The following BARD1 variants were observed in gnomAD, a reference collection of about 807,000 sequenced individuals.
The protein encoded by BARD1 is BRCA1 associated RING domain 1, also known as BRCA1-associated RING domain protein 1.
In BARD1, 73 loss-of-function variants were observed where a neutral mutation model predicts 77.0. The ratio of observed to expected loss-of-function variants is 0.95; its 90% confidence interval spans 0.79 to 1.15. The LOEUF (loss-of-function observed/expected upper bound fraction) is 1.15. Ranked by LOEUF, BARD1 falls within the 50% of genes most tolerant of loss-of-function variation. The pLI is 0.00. For missense variants in BARD1, 993 were observed against 938.8 expected (o/e 1.06, Z -0.75); for synonymous variants, 384 against 338.0 (o/e 1.14, Z -1.49).
chr2:214,747,400 T>C (rs1161204995), intron 7 of BARD1, among the ~76,000 whole-genome samples: 5 of 138,620 alleles, frequency 3.6e-5, no homozygotes, highest in Admixed American at 1.5e-4. Context: ...TAAAGACACA[T>C]GCACACGTAT....
At chr2:214,761,747 G>T (rs1485547743) in intron 6 of BARD1, among the ~76,000 whole-genome samples, 1 of 152,086 alleles carries the variant, frequency 6.6e-6, no homozygotes, top group Non-Finnish European at 1.5e-5. Context: ...CTTCCACAGG[G>T]CAATAAAGAA....
chr2:214,732,680 C>T (rs1355182369), intron 9 of BARD1, among the ~76,000 whole-genome samples: 2 of 152,186 alleles, frequency 1.3e-5, no homozygotes, highest in African/African-American at 4.8e-5. Flanking sequence ...CAGGCGTGAA[C>T]CACCACACCT....
chr2:214,783,147 C>G (rs1449410421), intron 3 of BARD1, among the ~76,000 whole-genome samples: 1 of 152,100 alleles, frequency 6.6e-6, no homozygotes, highest in Non-Finnish European at 1.5e-5. Flanking sequence ...AAAGTCAGCC[C>G]TCTGTATACT....
At chr2:214,770,969 G>A (rs1694455932) in intron 4 of BARD1, among the ~76,000 whole-genome samples, 1 of 152,140 alleles carries the variant, frequency 6.6e-6, no homozygotes, top group Non-Finnish European at 1.5e-5. Flanking sequence ...TACGTTTTAA[G>A]TATCCGTTAA....
intron 1 of BARD1, among the ~76,000 whole-genome samples, 171 bp downstream of exon 1, chr2:214,809,241 G>A (rs979882702): frequency 6.6e-6 from 1 of 152,228 alleles, no homozygotes; most frequent in African/African-American, 2.4e-5. Context: ...TAAAGTGAAT[G>A]AGAAGCAGAA....
rs1464044482 is a variant in BARD1, at chr2:214,728,054, C to A, written c.*622G>T. On this transcript the variant is annotated 3_prime_UTR_variant, in exon 11 of 11. Transcript: ENST00000260947. The stretch of plus-strand genomic sequence containing the variant: ...GATTTTTACCACACACACAAAAAAA[C>A]CAATGTTAATGATTAAATCACAATT... The A allele has an allele frequency of 8.9e-6, 2 of 224,900 alleles. No individual in the cohort carries two copies. The highest frequency in any genetic ancestry group is 1.8e-5 in the Non-Finnish European group (2 of 113,256). The allele number at this position is 224,900 out of a possible 1,614,324, so 13.9% of individuals were successfully genotyped here. A position where few individuals can be genotyped will look rare whatever the true frequency, so the allele number is the denominator to read the frequency against.
At chr2:214,787,516 A>G (rs528053051) in intron 3 of BARD1, among the ~76,000 whole-genome samples, 1 of 152,134 alleles carries the variant, frequency 6.6e-6, no homozygotes, top group African/African-American at 2.4e-5. Flanking sequence ...TTGCTGGAAC[A>G]TAAATCACAT....
rs562513200 is a variant in BARD1, at chr2:214,755,937, TACACG to T, written c.1569-3387_1569-3383del. 3.3e-5 allele frequency among the ~76,000 whole-genome samples: 5 copies of T among 152,368 alleles called. No homozygotes were observed. The South Asian group carries it at 1.0e-3, about 32-fold the overall frequency. On this transcript the variant is annotated intron_variant, in intron 6 of 10. Coordinates refer to ENST00000260947, the MANE Select transcript of BARD1 (RefSeq NM_000465.4). ...TCTTAACTGCTGAATTTACATCTAG[TACACG>T]ACAGTATATTAATATCTTTTACATG... is the stretch of plus-strand genomic sequence containing the variant.
intron 10 of BARD1, among the ~76,000 whole-genome samples, chr2:214,730,037 T>G (rs1423818176): frequency 6.6e-6 from 1 of 152,202 alleles, no homozygotes; most frequent in African/African-American, 2.4e-5. Context: ...TATACTTATA[T>G]AATATCAACA....
rs1028101702 is a variant in BARD1 at position 214,773,335 on chromosome 2, A to G, written c.1315-4023T>C. ...TGGTTAAGCCTTTCCATGTAAATGA[A>G]CCGACCAGGAACCAAAGACTTCCCT... On this transcript the variant is annotated intron_variant, in intron 4 of 10. Coordinates refer to ENST00000260947, the MANE Select transcript of BARD1 (RefSeq NM_000465.4). Among the ~76,000 whole-genome samples the G allele has an allele frequency of 3.3e-5, 5 of 152,242 alleles. No individual in the cohort carries two copies. The East Asian group carries it at 9.6e-4, about 29-fold the overall frequency.
At chr2:214,774,274 A>G (rs1694645538) in intron 4 of BARD1, among the ~76,000 whole-genome samples, 1 of 152,182 alleles carries the variant, frequency 6.6e-6, no homozygotes, top group Non-Finnish European at 1.5e-5. Flanking sequence ...TGAATCATCA[A>G]TGATATTAAT....
At chr2:214,747,247 C>T (rs1693166973) in intron 7 of BARD1, among the ~76,000 whole-genome samples, 3 of 151,986 alleles carry the variant, frequency 2.0e-5, no homozygotes, top group Admixed American at 2.0e-4. Context: ...AACACTTTTA[C>T]ACTGTTAGTG....
chr2:214,731,170 A>T (rs916787542), intron 9 of BARD1: 2 of 224,650 alleles, frequency 8.9e-6, no homozygotes, highest in Non-Finnish European at 1.8e-5. Flanking sequence ...TGGCTTGAGT[A>T]AGTCTGTTCA....
In BARD1 at chr2:214,803,811, C is replaced by A. The variant is rs561758411; in HGVS notation, c.158+5601G>T. On this transcript the variant is annotated intron_variant, in intron 1 of 10. Transcript: ENST00000260947. ...TTTCCAAGTCTCTCGTTCCACCTTACGAGAAACACCCACAGGTGTGGAGGG... is the reference window on the plus strand; with the variant it reads ...TTTCCAAGTCTCTCGTTCCACCTTAAGAGAAACACCCACAGGTGTGGAGGG... 3.9e-5 allele frequency among the ~76,000 whole-genome samples: 6 copies of A among 152,234 alleles called. No homozygotes were observed. The South Asian group carries it at 1.0e-3, about 26-fold the overall frequency.
intron 1 of BARD1, among the ~76,000 whole-genome samples, chr2:214,801,851 G>A (rs1320158044): frequency 4.5e-5 from 4 of 88,220 alleles, no homozygotes; most frequent in African/African-American, 2.2e-4. Flanking sequence ...ATATTTGGCG[G>A]GGGGGGGGGT....
chr2:214,771,966 A>G (rs1694518717), intron 4 of BARD1, among the ~76,000 whole-genome samples: 1 of 146,686 alleles, frequency 6.8e-6, no homozygotes, highest in Non-Finnish European at 1.5e-5. Flanking sequence ...CAGATTTCTT[A>G]ACAGTGCAAA....
intron 9 of BARD1, chr2:214,731,013 G>C (rs1241875482): frequency 7.1e-6 from 3 of 423,140 alleles, no homozygotes; most frequent in Non-Finnish European, 1.4e-5. Flanking sequence ...AGCTCAGCTA[G>C]CCACACAACA....
chr2:214,758,411 GA>G (rs1168459238), intron 6 of BARD1, among the ~76,000 whole-genome samples: 1 of 152,100 alleles, frequency 6.6e-6, no homozygotes, highest in Non-Finnish European at 1.5e-5. Context: ...TGCATTTTTG[GA>G]AGACAGATAC....
In BARD1 at chr2:214,780,802, G is replaced by T. The variant is rs769594971; in HGVS notation, c.1072C>A (p.Pro358Thr). 2.5e-6 allele frequency: 4 copies of T among 1,612,960 alleles called. No individual in the cohort carries two copies. Among genetic ancestry groups the T allele is most frequent in the Non-Finnish European group, 3.4e-6 (4 of 1,179,540 alleles). The change falls in exon 4 of 11, where the codon CCA (proline) becomes ACA (threonine). Residue 358 changes from proline to threonine, a missense_variant. By Grantham distance (38) the Pro-to-Thr change is conservative (BLOSUM62 -1). Transcript: ENST00000260947. ...VKQTVPSENI[P>T]LPECSSPPSC... ...GGTGGTGAAGAACATTCAGGCAATGGTATATTTTCTGAGGGCACCGTTTGC... is the reference window on the plus strand; with the variant it reads ...GGTGGTGAAGAACATTCAGGCAATGTTATATTTTCTGAGGGCACCGTTTGC...
Sources: allele counts gnomAD v4.1 joint callset (sites outside exome capture counted in the v4.1 genomes callset), GRCh38; gene constraint gnomAD v4.1.1; transcripts MANE v1.5; gene names NCBI Gene and HGNC (gene_info 2026-07-23, HGNC 2026-07-21).